Variants in GABRB3 observed in about 807,000 individuals in gnomAD.
The protein encoded by GABRB3 is gamma-aminobutyric acid receptor subunit beta-3.
A neutral mutation model predicts 52.1 loss-of-function variants in GABRB3; 14 were observed. That is an observed-to-expected ratio of 0.27 (90% confidence interval 0.18 to 0.42). GABRB3 has a LOEUF of 0.42. GABRB3 is among the 10% of genes least tolerant of loss of function. The probability of loss-of-function intolerance (pLI) is 1.00; values close to 1 mark genes in which losing one functional copy is unlikely to be tolerated. For synonymous variants in GABRB3, 260 were observed against 232.3 expected, an observed-to-expected ratio of 1.12 and a Z score of -1.08; for missense variants, 307 against 609.1, an observed-to-expected ratio of 0.50 and a Z score of 5.22.
rs551596926 is a variant in GABRB3, at chr15:26,656,391, C to T, written c.241-34857G>A. Among the ~76,000 whole-genome samples the T allele has an allele frequency of 2.6e-5, 4 of 152,350 alleles. No individual in the cohort carries two copies. The South Asian group carries it at 8.3e-4, about 32-fold the overall frequency. ...ATAAAATCAGAGTCTCTCAGACAAC[C>T]TGAGGGGCATGATTTGTTTGCTGCA... On this transcript the variant is annotated intron_variant, in intron 3 of 8. Transcript: ENST00000311550.
intron 3 of GABRB3, among the ~76,000 whole-genome samples, chr15:26,698,924 T>C (rs1205198449): frequency 2.0e-5 from 3 of 152,210 alleles, no homozygotes; most frequent in Admixed American, 1.3e-4. Context: ...GTGAGCTATG[T>C]TGAACCTCTA....
At chr15:26,613,939 T>C (rs1006374543) in intron 4 of GABRB3, 2 of 152,212 alleles carry the variant, frequency 1.3e-5, no homozygotes, top group African/African-American at 2.4e-5. Context: ...TGCAGCCATA[T>C]ACAGCAAGGG....
At chr15:26,642,663 C>A in intron 3 of GABRB3, 1 of 418,880 alleles carries the variant, frequency 2.4e-6, no homozygotes, top group Non-Finnish European at 4.9e-6. Flanking sequence ...GTGTACCCCC[C>A]CGCACACACA....
chr15:26,751,201 T>A (rs2140171784), intron 3 of GABRB3, among the ~76,000 whole-genome samples: 1 of 152,370 alleles, frequency 6.6e-6, no homozygotes, highest in Non-Finnish European at 1.5e-5. Context: ...TTTCTGATGA[T>A]AAGGCTATCT....
chr15:26,563,351 C>T (rs1452060119), intron 7 of GABRB3, among the ~76,000 whole-genome samples: 1 of 152,190 alleles, frequency 6.6e-6, no homozygotes, highest in Non-Finnish European at 1.5e-5. Context: ...TAAGATTTCA[C>T]AGTGAGTACT....
At chr15:26,748,636 G>T (rs1180755492) in intron 3 of GABRB3, among the ~76,000 whole-genome samples, 1 of 151,984 alleles carries the variant, frequency 6.6e-6, no homozygotes. Flanking sequence ...TGATTTTGGG[G>T]GGCAAGATAA....
At chr15:26,629,742 G>C (rs993040598) in intron 3 of GABRB3, among the ~76,000 whole-genome samples, 1 of 152,122 alleles carries the variant, frequency 6.6e-6, no homozygotes, top group African/African-American at 2.4e-5. Flanking sequence ...GATGTAACCT[G>C]ACTTTAGAAA....
intron 3 of GABRB3, among the ~76,000 whole-genome samples, chr15:26,744,244 T>C (rs897766945): frequency 1.3e-5 from 2 of 152,198 alleles, no homozygotes; most frequent in Non-Finnish European, 2.9e-5. Context: ...AAATCAAGCA[T>C]GAAAATTCTC....
chr15:26,687,810 T>C (rs1353230231), intron 3 of GABRB3, among the ~76,000 whole-genome samples: 1 of 152,214 alleles, frequency 6.6e-6, no homozygotes, highest in East Asian at 1.9e-4. Flanking sequence ...ACTTCTGTGA[T>C]GAATGTTCTT....
At chr15:26,675,747 G>C (rs796392514) in intron 3 of GABRB3, among the ~76,000 whole-genome samples, 1 of 152,122 alleles carries the variant, frequency 6.6e-6, no homozygotes, top group Non-Finnish European at 1.5e-5. Context: ...AACATCAAGG[G>C]TAAGGGAGGA....
chr15:26,707,175 G>T (rs1040447329), intron 3 of GABRB3, among the ~76,000 whole-genome samples: 7 of 152,230 alleles, frequency 4.6e-5, no homozygotes, highest in Admixed American at 3.3e-4. Flanking sequence ...GCTTCACGGA[G>T]AAGGAAGAAT....
chr15:26,647,749 G>A (rs1887054983), intron 3 of GABRB3, among the ~76,000 whole-genome samples: 1 of 152,172 alleles, frequency 6.6e-6, no homozygotes, highest in African/African-American at 2.4e-5. Context: ...GGCCACAGCA[G>A]GACCTGTGGG....
At chr15:26,771,402 G>T (rs901904707) in intron 3 of GABRB3, among the ~76,000 whole-genome samples, 1 of 152,166 alleles carries the variant, frequency 6.6e-6, no homozygotes, top group African/African-American at 2.4e-5. Flanking sequence ...GAGTTAAGAA[G>T]CCTACAGAGT....
intron 3 of GABRB3, among the ~76,000 whole-genome samples, chr15:26,720,051 G>A (rs1029215707): frequency 6.6e-6 from 1 of 152,104 alleles, no homozygotes; most frequent in African/African-American, 2.4e-5. Context: ...ATGGCCGGTC[G>A]TTGCCTTAAC....
At chr15:26,745,428 T>C (rs1890312139) in intron 3 of GABRB3, among the ~76,000 whole-genome samples, 4 of 152,324 alleles carry the variant, frequency 2.6e-5, no homozygotes, top group African/African-American at 7.2e-5. Context: ...AGGAAAGTGA[T>C]ATGGTACAAT....
intron 3 of GABRB3, among the ~76,000 whole-genome samples, chr15:26,654,912 A>G (rs1239328822): frequency 3.9e-5 from 6 of 152,054 alleles, no homozygotes; most frequent in African/African-American, 1.4e-4. Flanking sequence ...GGCTCACTGC[A>G]GCCTTGATTT....
At chr15:26,629,927 T>C (rs1892866960) in intron 3 of GABRB3, among the ~76,000 whole-genome samples, 1 of 152,022 alleles carries the variant, frequency 6.6e-6, no homozygotes, top group South Asian at 2.1e-4. Flanking sequence ...TGGCTTCTGG[T>C]TAAGGTGCAG....
intron 4 of GABRB3, chr15:26,613,990 C>T (rs1892167627): frequency 6.6e-6 from 1 of 152,262 alleles, no homozygotes; most frequent in African/African-American, 2.4e-5. Flanking sequence ...CCTGATGTTT[C>T]TGAAGAGCAG....
chr15:26,577,046 TACAG>T (rs1186866914), intron 6 of GABRB3, among the ~76,000 whole-genome samples: 1 of 151,904 alleles, frequency 6.6e-6, no homozygotes, highest in Non-Finnish European at 1.5e-5. Flanking sequence ...AAATGCAACA[TACAG>T]AAAGAAATGA....
Sources: allele counts gnomAD v4.1 joint callset (sites outside exome capture counted in the v4.1 genomes callset), GRCh38; gene constraint gnomAD v4.1.1; transcripts MANE v1.5; gene names NCBI Gene and HGNC (gene_info 2026-07-23, HGNC 2026-07-21).